The following SPOCK1 variants were observed in gnomAD, a reference collection of about 807,000 sequenced individuals.
The protein encoded by SPOCK1 is SPARC (osteonectin), cwcv and kazal like domains proteoglycan 1.
Under a neutral mutation model 55.3 loss-of-function variants are expected in SPOCK1, and 23 were observed. The ratio of observed to expected loss-of-function variants is 0.42; its 90% CI spans 0.30 to 0.59. The LOEUF is 0.59. Ranked by LOEUF, SPOCK1 falls within the 20% of genes least tolerant of loss-of-function variation. SPOCK1 has a pLI of 0.22. For missense variants in SPOCK1, 499 were observed against 552.5 expected (o/e 0.90, Z 0.97); for synonymous variants, 226 against 221.0 (o/e 1.02, Z -0.20).
chr5:137,338,932 G>A (rs1435722430), intron 2 of SPOCK1, among the ~76,000 whole-genome samples: 1 of 152,164 alleles, frequency 6.6e-6, no homozygotes, highest in Non-Finnish European at 1.5e-5. Flanking sequence ...GCATCAAAGG[G>A]ACTGTCAATG....
At chr5:137,002,378 A>AT (rs750622266) in intron 6 of SPOCK1, among the ~76,000 whole-genome samples, 27 of 148,750 alleles carry the variant, frequency 1.8e-4, no homozygotes, top group East Asian at 3.9e-4. Context: ...AGTAACGCTT[A>AT]TTTTTTTTTT....
intron 3 of SPOCK1, among the ~76,000 whole-genome samples, chr5:137,150,079 C>A (rs1025984532): frequency 2.0e-5 from 3 of 152,160 alleles, no homozygotes; most frequent in African/African-American, 7.2e-5. Flanking sequence ...GGATGTCCAC[C>A]AAGGGCAAGG....
chr5:137,424,579 C>T (rs780695008), intron 2 of SPOCK1, among the ~76,000 whole-genome samples: 2 of 152,166 alleles, frequency 1.3e-5, no homozygotes, highest in Admixed American at 6.5e-5. Context: ...CAACCCTACT[C>T]ATAATAGTCT....
Position 137,236,453 on chromosome 5 carries a change from G to A in SPOCK1, c.232+30557C>T, listed in dbSNP as rs1756183275. Among the ~76,000 whole-genome samples, 4 of 152,204 alleles carry A rather than the reference G, an allele frequency of 2.6e-5. No individual in the cohort carries two copies. The South Asian group carries it at 8.3e-4, about 31-fold the overall frequency. On this transcript the variant is annotated intron_variant, in intron 3 of 10. Transcript: ENST00000394945. ...AGAACACATGTTATTGTTTAACAGTGGGTTAGCCTGATTTATGATTTAGTT... is the reference window on the plus strand; with the variant it reads ...AGAACACATGTTATTGTTTAACAGTAGGTTAGCCTGATTTATGATTTAGTT...
intron 2 of SPOCK1, among the ~76,000 whole-genome samples, chr5:137,371,324 A>G (rs1353536731): frequency 6.6e-6 from 1 of 152,238 alleles, no homozygotes; most frequent in Non-Finnish European, 1.5e-5. Context: ...TTGGAGGGCT[A>G]CTGTGAGCAT....
intron 2 of SPOCK1, among the ~76,000 whole-genome samples, chr5:137,416,891 T>C (rs764338391): frequency 1.1e-4 from 17 of 152,304 alleles, no homozygotes; most frequent in Non-Finnish European, 2.1e-4. Flanking sequence ...TGGCCACTTA[T>C]AGATGTCTTT....
chr5:137,388,897 T>A (rs1160159872), intron 2 of SPOCK1, among the ~76,000 whole-genome samples: 1 of 152,218 alleles, frequency 6.6e-6, no homozygotes, highest in East Asian at 1.9e-4. Context: ...AGAAAAGGGC[T>A]GCAGAAGAGA....
intron 2 of SPOCK1, among the ~76,000 whole-genome samples, chr5:137,320,777 C>CT (rs1480946940): frequency 1.3e-5 from 2 of 152,110 alleles, no homozygotes; most frequent in African/African-American, 4.8e-5. Flanking sequence ...AGGTCTTTCC[C>CT]TATAAGAAAA....
intron 4 of SPOCK1, among the ~76,000 whole-genome samples, chr5:137,128,652 C>A (rs1370439334): frequency 6.6e-6 from 1 of 152,224 alleles, no homozygotes; most frequent in Non-Finnish European, 1.5e-5. Context: ...TGCCCTGGTC[C>A]CCCAGCTGTG....
intron 2 of SPOCK1, among the ~76,000 whole-genome samples, chr5:137,316,659 T>C (rs11741229): frequency 0.16 from 24,778 of 152,180 alleles, 2,316 homozygotes; most frequent in East Asian, 0.26. Context: ...AATTCAGAAC[T>C]GTACAAGTTA....
chr5:137,471,385 G>A (rs921531015), intron 2 of SPOCK1, among the ~76,000 whole-genome samples: 2 of 152,082 alleles, frequency 1.3e-5, no homozygotes, highest in African/African-American at 2.4e-5. Context: ...GTGAGGATTT[G>A]GGCAGCTTCC....
intron 2 of SPOCK1, among the ~76,000 whole-genome samples, chr5:137,393,105 G>C (rs530690551): frequency 1.3e-5 from 2 of 152,112 alleles, no homozygotes; most frequent in Admixed American, 1.3e-4. Context: ...ATAGACACAT[G>C]ATAGAATTTT....
intron 6 of SPOCK1, among the ~76,000 whole-genome samples, chr5:137,002,818 G>C (rs1751176513): frequency 6.6e-6 from 1 of 152,162 alleles, no homozygotes; most frequent in South Asian, 2.1e-4. Context: ...CTGGGAAAGG[G>C]GCTAGGTGAT....
chr5:136,994,279 C>A (rs1751001684), intron 6 of SPOCK1, among the ~76,000 whole-genome samples: 1 of 152,120 alleles, frequency 6.6e-6, no homozygotes. Context: ...TTTAAAACAC[C>A]AGCCAGGAAA....
At chr5:136,994,180 T>C (rs1362347496) in intron 6 of SPOCK1, among the ~76,000 whole-genome samples, 2 of 152,188 alleles carry the variant, frequency 1.3e-5, no homozygotes, top group Admixed American at 6.5e-5. Context: ...CTGCAAAGCA[T>C]GGAATGAATG....
chr5:137,104,040 A>G (rs1228657912), intron 5 of SPOCK1, among the ~76,000 whole-genome samples: 1 of 152,070 alleles, frequency 6.6e-6, no homozygotes, highest in Non-Finnish European at 1.5e-5. Flanking sequence ...AACACATACA[A>G]CTTCATTTGT....
intron 2 of SPOCK1, among the ~76,000 whole-genome samples, chr5:137,421,703 C>T (rs1323235253): frequency 6.6e-6 from 1 of 152,136 alleles, no homozygotes; most frequent in Non-Finnish European, 1.5e-5. Flanking sequence ...CTGCATATGA[C>T]ATGAGTTTCC....
At chr5:136,996,622 C>T (rs981366138) in intron 6 of SPOCK1, among the ~76,000 whole-genome samples, 6 of 152,134 alleles carry the variant, frequency 3.9e-5, no homozygotes, top group Admixed American at 3.9e-4. Context: ...CTTCCTGGGT[C>T]GAGTGGGGAC....
intron 3 of SPOCK1, among the ~76,000 whole-genome samples, chr5:137,165,774 A>G (rs1754637552): frequency 6.6e-6 from 1 of 152,234 alleles, no homozygotes; most frequent in African/African-American, 2.4e-5. Context: ...TTGGCATACT[A>G]AAGAATGCAT....
Sources: gnomAD v4.1 joint callset for allele counts (sites outside exome capture counted in the v4.1 genomes callset) on GRCh38, gnomAD v4.1.1 for gene constraint, MANE v1.5 for transcripts, NCBI Gene and HGNC (gene_info 2026-07-23, HGNC 2026-07-21) for gene names.